GRIN2D: variants seen among roughly 807,000 people sequenced by gnomAD.
GRIN2D encodes glutamate ionotropic receptor NMDA type subunit 2D.
Under a neutral mutation model 103.2 loss-of-function variants are expected in GRIN2D, and 37 were observed. The ratio of observed to expected loss-of-function variants is 0.36; its 90% confidence interval spans 0.28 to 0.47. The LOEUF (loss-of-function observed/expected upper bound fraction) is 0.47, where lower values mean the gene tolerates loss of function less well. Ranked by LOEUF, GRIN2D falls within the 20% of genes least tolerant of loss-of-function variation. GRIN2D has a pLI of 1.00. For synonymous variants in GRIN2D, 845 were observed against 885.6 expected, an observed-to-expected ratio of 0.95 and a Z score of 0.81; for missense variants, 1,557 against 1,910.6, an observed-to-expected ratio of 0.81 and a Z score of 3.45.
At chr19:48,398,987 C>A in intron 3 of GRIN2D, 130 bp downstream of exon 3, 1 of 874,286 alleles carries the variant, frequency 1.1e-6, no homozygotes, top group Non-Finnish European at 1.6e-6. Context: ...GAGTCTGGGA[C>A]AAGGTGGGCC....
At chr19:48,441,321 C>T (rs1971288150) in intron 11 of GRIN2D, among the ~76,000 whole-genome samples, 1 of 148,722 alleles carries the variant, frequency 6.7e-6, no homozygotes, top group Non-Finnish European at 1.5e-5. Context: ...CGAGACTGTG[C>T]CACTGCACTC....
intron 4 of GRIN2D, among the ~76,000 whole-genome samples, chr19:48,407,675 G>C (rs571192141): frequency 1.7e-4 from 26 of 152,240 alleles, no homozygotes; most frequent in Non-Finnish European, 2.4e-4. Flanking sequence ...TTAGGCACAG[G>C]GTGTATATAG....
At chr19:48,419,136 C>G (rs777617301) in intron 8 of GRIN2D, 98 bp from the exon 9 acceptor site, 26 of 1,155,830 alleles carry the variant, frequency 2.2e-5, no homozygotes, top group Middle Eastern at 4.7e-4. Context: ...GCCTCAGCCT[C>G]CCAAAGTTCT....
intron 8 of GRIN2D, among the ~76,000 whole-genome samples, chr19:48,416,738 T>G (rs1970953112): frequency 8.5e-6 from 1 of 117,210 alleles, no homozygotes; most frequent in Non-Finnish European, 1.7e-5. Context: ...CTTCTCTCTC[T>G]CTCTCTCTTT....
chr19:48,416,101 A>G lies in GRIN2D; in HGVS notation c.1681A>G (p.Ile561Val). The G allele has an allele frequency of 6.2e-7, 1 of 1,613,772 alleles. No individual in the cohort carries two copies. Among genetic ancestry groups the G allele is most frequent in the Non-Finnish European group, 8.5e-7 (1 of 1,179,906 alleles). Residue 561 changes from isoleucine (I) to valine (V), a missense_variant, in exon 8 of 14, where the codon ATC becomes GTC. Coordinates refer to ENST00000263269, the MANE Select transcript of GRIN2D (RefSeq NM_000836.4). Reference sequence around the variant, plus strand: ...CTCCGTCCCCTTCGTGGAGACCGGCATCAGCGTCATGGTGGCGCGCAGCAA... The same window carrying G: ...CTCCGTCCCCTTCGTGGAGACCGGCGTCAGCGTCATGGTGGCGCGCAGCAA... Reference protein sequence around the residue: ...DFSVPFVETGISVMVARSNGT... With the variant: ...DFSVPFVETGVSVMVARSNGT...
intron 3 of GRIN2D, among the ~76,000 whole-genome samples, chr19:48,400,720 C>T (rs891798335): frequency 1.3e-4 from 20 of 152,186 alleles, no homozygotes; most frequent in African/African-American, 4.8e-4. Flanking sequence ...ATGTGGTCCC[C>T]TCAGCACACC....
intron 11 of GRIN2D, among the ~76,000 whole-genome samples, chr19:48,431,722 T>G (rs1971158143): frequency 6.6e-6 from 1 of 151,774 alleles, no homozygotes; most frequent in Non-Finnish European, 1.5e-5. Flanking sequence ...GCAGCTCCGA[T>G]TACAGGCATG....
chr19:48,442,566 C>T lies in GRIN2D; in HGVS notation c.2674-34C>T, dbSNP rs1219388655. ...AGGCGGGCAGGCGTCCTGGGCATCT[C>T]GCGCTGACCCCCGTCCTGTCCCCGG... On this transcript the variant is annotated intron_variant, in intron 13 of 13. Transcript: ENST00000263269. The surrounding 1 kb of genome is among the most constrained non-coding windows in gnomAD (Gnocchi z 7.2). 16 of 1,479,548 alleles carry T rather than the reference C, an allele frequency of 1.1e-5. No homozygotes were observed. Among genetic ancestry groups the T allele is most frequent in the Admixed American group, 2.3e-5 (1 of 42,904 alleles). The allele number at this position is 1,479,548 out of a possible 1,614,324, so 91.7% of individuals were successfully genotyped here. A position where few individuals can be genotyped will look rare whatever the true frequency, so the allele number is the denominator to read the frequency against.
chr19:48,443,331 C>T lies in GRIN2D; in HGVS notation c.3405C>T (p.Ala1135=). 1 of 1,540,778 alleles carries T rather than the reference C, an allele frequency of 6.5e-7. No homozygotes were observed. The highest frequency in any genetic ancestry group is 1.4e-5 in the African/African-American group (1 of 70,424). ...GCGGCCTGGAGCCCTGGTGGTTCGC[C>T]GACTTCCCTTACCCGTATGCCGAGC... ...SLGGLEPWWF[A]DFPYPYAERL... Residue 1135 remains alanine (A), a synonymous_variant, in exon 14 of 14, where the codon GCC becomes GCT. Coordinates refer to ENST00000263269, the MANE Select transcript of GRIN2D (RefSeq NM_000836.4). The surrounding 1 kb of genome is among the most constrained non-coding windows in gnomAD (Gnocchi z 8.9).
chr19:48,396,762 G>A (rs1178446756), intron 2 of GRIN2D, among the ~76,000 whole-genome samples: 1 of 152,022 alleles, frequency 6.6e-6, no homozygotes, highest in Non-Finnish European at 1.5e-5. Flanking sequence ...GGGGAGGGGT[G>A]GTGGACCTTT....
chr19:48,435,137 TA>T, intron 11 of GRIN2D, among the ~76,000 whole-genome samples: 1 of 152,248 alleles, frequency 6.6e-6, no homozygotes, highest in East Asian at 1.9e-4. Context: ...CCCACAGTTG[TA>T]GAGGCTAGAA....
chr19:48,405,152 C>G lies in GRIN2D; in HGVS notation c.884C>G (p.Pro295Arg). ...GCCCCTGGTGAGCCCCCTCTTCTGC[C>G]AGGAGGCGCCCCCCTGCCTGCCGGG... ...SGAPGEPPLLPGGAPLPAGLF... is the reference protein window; with the variant it reads ...SGAPGEPPLLRGGAPLPAGLF... Residue 295 changes from proline to arginine, a missense_variant, in exon 4 of 14, where the codon CCA becomes CGA. By Grantham distance (103) the Pro-to-Arg change is moderately radical. Around this residue, in one of 7 missense-constraint regions of GRIN2D, gnomAD observed 490 missense variants for 601.1 expected, o/e 0.82. Coordinates refer to ENST00000263269, the MANE Select transcript of GRIN2D (RefSeq NM_000836.4). The surrounding 1 kb of genome is among the most constrained non-coding windows in gnomAD (Gnocchi z 5.1). The G allele has an allele frequency of 6.3e-7, 1 of 1,574,886 alleles. No individual in the cohort carries two copies. Among genetic ancestry groups the G allele is most frequent in the Non-Finnish European group, 8.6e-7 (1 of 1,161,756 alleles).
chr19:48,402,171 A>AAAGAGAGAGG (rs1970724646), intron 3 of GRIN2D, among the ~76,000 whole-genome samples: 4 of 151,926 alleles, frequency 2.6e-5, no homozygotes, highest in African/African-American at 9.7e-5. Context: ...AAAGAAAGAG[A>AAAGAGAGAGG]GAAAAGAAAA....
chr19:48,413,274 G>A (rs1001184511), intron 4 of GRIN2D, among the ~76,000 whole-genome samples: 6 of 142,492 alleles, frequency 4.2e-5, no homozygotes, highest in African/African-American at 1.6e-4. Context: ...GAGGTCAGGA[G>A]TTCTAGACCA....
chr19:48,398,874 C>A lies in GRIN2D; in HGVS notation c.465+17C>A. On this transcript the variant is annotated intron_variant, in intron 3 of 13. Transcript: ENST00000263269. ...ACGCCCAAGGTGCGCGCGACCGGGG[C>A]GGGGCGGGGCCACAGGAGGGGCGGG... The A allele has an allele frequency of 6.4e-6, 6 of 944,098 alleles. No homozygotes were observed. The South Asian group carries it at 2.2e-4, about 34-fold the overall frequency. 58.5% of individuals were successfully genotyped at this position (944,098 alleles called of 1,614,324 possible).
intron 11 of GRIN2D, among the ~76,000 whole-genome samples, chr19:48,428,067 T>C (rs1971108956): frequency 6.9e-6 from 1 of 145,204 alleles, no homozygotes; most frequent in African/African-American, 2.6e-5. Context: ...TTTTTTGAGA[T>C]GGAGTGTTGC....
chr19:48,399,924 G>T (rs1282908007), intron 3 of GRIN2D, among the ~76,000 whole-genome samples: 1 of 151,972 alleles, frequency 6.6e-6, no homozygotes, highest in Non-Finnish European at 1.5e-5. Context: ...TCTAATAAAG[G>T]GGTGGGTCTA....
intron 4 of GRIN2D, among the ~76,000 whole-genome samples, chr19:48,406,691 G>A (rs1047794282): frequency 2.6e-5 from 4 of 152,202 alleles, no homozygotes; most frequent in African/African-American, 7.2e-5. Flanking sequence ...GCAGGGTCCT[G>A]TAAGAGTGGC....
chr19:48,414,961 G>T lies in GRIN2D; in HGVS notation c.1510G>T (p.Asp504Tyr), dbSNP rs1172476961. The change falls in exon 7 of 14, where the codon GAC becomes TAC. Residue 504 changes from aspartate (D) to tyrosine (Y), a missense_variant. This residue lies in a region of GRIN2D where 197 missense variants were observed against 334.1 expected (regional missense o/e 0.59). Coordinates refer to ENST00000263269, the MANE Select transcript of GRIN2D (RefSeq NM_000836.4). The surrounding 1 kb of genome is among the most constrained non-coding windows in gnomAD (Gnocchi z 4.6). ...RLAHTIGFSY[D>Y]LYLVTNGKHG... ...GGCGCATACCATCGGCTTCAGCTAC[G>T]ACCTCTACCTGGTCACCAATGGCAA... is the stretch of plus-strand genomic sequence containing the variant. The T allele has an allele frequency of 6.2e-7, 1 of 1,613,628 alleles. No homozygotes were observed. Among genetic ancestry groups the T allele is most frequent in the Non-Finnish European group, 8.5e-7 (1 of 1,179,862 alleles).
Sources: allele counts gnomAD v4.1 joint callset (sites outside exome capture counted in the v4.1 genomes callset), GRCh38; gene constraint gnomAD v4.1.1; regional missense constraint gnomAD v4.1.1; non-coding constraint Gnocchi (gnomAD v3.1); transcripts MANE v1.5; gene names NCBI Gene and HGNC (gene_info 2026-07-23, HGNC 2026-07-21).